Variants in HIF3A observed in about 807,000 individuals in gnomAD.
HIF3A encodes hypoxia inducible factor 3 subunit alpha.
HIF3A carries 41 observed loss-of-function variants against 67.2 expected under a neutral mutation model. That is an observed-to-expected ratio of 0.61 (90% CI 0.48 to 0.79). The LOEUF (loss-of-function observed/expected upper bound fraction) is 0.79. HIF3A is among the 30% of genes least tolerant of loss of function. The pLI, the probability that HIF3A is intolerant of heterozygous loss-of-function variation, is 0.00. For synonymous variants in HIF3A, 356 were observed against 374.8 expected, an observed-to-expected ratio of 0.95 and a Z score of 0.58; for missense variants, 855 against 898.0, an observed-to-expected ratio of 0.95 and a Z score of 0.61.
chr19:46,309,236 T>G lies in HIF3A; in HGVS notation c.647T>G (p.Leu216Arg). 1.1e-5 allele frequency: 18 copies of G among 1,614,066 alleles called. No homozygotes were observed. Among genetic ancestry groups the G allele is most frequent in the Non-Finnish European group, 1.5e-5 (18 of 1,179,946 alleles). ...PAGSPDSEPP[L>R]QCLVLICEAI... ...GGGAGCCCTGACTCAGAGCCCCCGCTGCAGTGCCTGGTGCTCATCTGCGAA... is the reference window on the plus strand; with the variant it reads ...GGGAGCCCTGACTCAGAGCCCCCGCGGCAGTGCCTGGTGCTCATCTGCGAA... The change falls in exon 6 of 15, where the codon CTG becomes CGG. Residue 216 changes from leucine to arginine, a missense_variant. This residue lies in a region of HIF3A where 638 missense variants were observed against 660.5 expected (regional missense o/e 0.97). Coordinates refer to ENST00000377670, the MANE Select transcript of HIF3A (RefSeq NM_152795.4).
Position 46,321,737 on chromosome 19 carries a change from C to T in HIF3A, c.1145-39C>T, listed in dbSNP as rs1030433412. On this transcript the variant is annotated intron_variant, in intron 9 of 14. Coordinates refer to ENST00000377670, the MANE Select transcript of HIF3A (RefSeq NM_152795.4). Reference sequence around the variant, plus strand: ...AGGGCTCTGGCCCTTGGCCCTCAGTCACCAGCCCGTGTCCTCCCCATCTCC... The same window carrying T: ...AGGGCTCTGGCCCTTGGCCCTCAGTTACCAGCCCGTGTCCTCCCCATCTCC... 9.5e-6 allele frequency: 15 copies of T among 1,585,658 alleles called. No individual in the cohort carries two copies. In the African/African-American group the frequency reaches 1.5e-4, roughly 16 times the overall value.
chr19:46,339,034 TCTC>T (rs1176850988), intron 14 of HIF3A, among the ~76,000 whole-genome samples: 1 of 151,990 alleles, frequency 6.6e-6, no homozygotes, highest in Non-Finnish European at 1.5e-5. Flanking sequence ...TTTCCCTTCT[TCTC>T]CTCTTTTCCT....
rs1198019827 is a variant in HIF3A at position 46,329,480 on chromosome 19, TGA to T, written c.1712+4_1712+5del. 6.6e-7 allele frequency: 1 copy of T among 1,508,406 alleles called. No homozygotes were observed. Among genetic ancestry groups the T allele is most frequent in the Admixed American group, 2.2e-5 (1 of 44,634 alleles). 93.4% of individuals were successfully genotyped at this position (1,508,406 alleles called of 1,614,324 possible). The stretch of plus-strand genomic sequence containing the variant: ...TCCCATGGCTGGGGCTCGGAAGAGG[TGA>T]GCCACAGTAAAGGGGGGACATCAAG... On this transcript the variant is annotated splice_donor_region_variant and intron_variant, in intron 12 of 14. Transcript: ENST00000377670.
At chr19:46,312,736 T>TGTGC (rs112043937) in intron 8 of HIF3A, 83 bp downstream of exon 8, 15 of 1,501,066 alleles carry the variant, frequency 1.0e-5, no homozygotes, top group East Asian at 4.6e-5. Context: ...TGTGTGTGTG[T>TGTGC]GCGTATGAGC....
chr19:46,329,179 C>G, intron 11 of HIF3A, 28 bp from the exon 12 acceptor site: 1 of 1,564,446 alleles, frequency 6.4e-7, no homozygotes, highest in Non-Finnish European at 8.7e-7. Flanking sequence ...CAAGGCTCAT[C>G]CTCTTACCTC....
rs779983789 is a variant in HIF3A at position 46,321,973 on chromosome 19, C to T, written c.1335+7C>T. On this transcript the variant is annotated splice_region_variant and intron_variant, in intron 10 of 14. Coordinates refer to ENST00000377670, the MANE Select transcript of HIF3A (RefSeq NM_152795.4). ...CCCCCAAAGTCCTCTTTCGGTAAGC[C>T]ATCCCACCCATGTGAGCCCTCAGCA... is the stretch of plus-strand genomic sequence containing the variant. 1.2e-6 allele frequency: 2 copies of T among 1,613,058 alleles called. No homozygotes were observed. The highest frequency in any genetic ancestry group is 1.7e-6 in the Non-Finnish European group (2 of 1,179,512).
At chr19:46,306,622 A>G (rs1004482562) in intron 3 of HIF3A, 2 of 152,234 alleles carry the variant, frequency 1.3e-5, no homozygotes, top group African/African-American at 4.8e-5. Context: ...CAAGGCCTAC[A>G]AGAAAGTTCC....
intron 13 of HIF3A, among the ~76,000 whole-genome samples, chr19:46,333,518 C>A (rs973256098): frequency 1.3e-5 from 2 of 152,046 alleles, no homozygotes; most frequent in African/African-American, 4.8e-5. Context: ...CATGAGCTAA[C>A]CAACAGGATC....
intron 8 of HIF3A, among the ~76,000 whole-genome samples, chr19:46,314,767 C>T (rs1969782035): frequency 6.8e-6 from 1 of 146,544 alleles, no homozygotes; most frequent in African/African-American, 2.5e-5. Flanking sequence ...CCATGTTGGC[C>T]AGGCTGGTCT....
Position 46,304,031 on chromosome 19 carries a change from G to A in HIF3A, c.160G>A (p.Ala54Thr), listed in dbSNP as rs1304622000. The A allele has an allele frequency of 6.3e-7, 1 of 1,591,576 alleles. No homozygotes were observed. The highest frequency in any genetic ancestry group is 2.3e-5 in the East Asian group (1 of 43,802). Residue 54 changes from alanine (A) to threonine (T), a missense_variant, in exon 2 of 15, where the codon GCC becomes ACC. Physicochemically the swap from Ala to Thr is moderately conservative, Grantham distance 58. Coordinates refer to ENST00000377670, the MANE Select transcript of HIF3A (RefSeq NM_152795.4). ...ARGVSAHLDK[A>T]SIMRLTISYL... ...CGGCGTCAGCGCCCACCTGGACAAGGCCTCTATCATGCGCCTCACCATCAG... is the reference window on the plus strand; with the variant it reads ...CGGCGTCAGCGCCCACCTGGACAAGACCTCTATCATGCGCCTCACCATCAG...
intron 3 of HIF3A, among the ~76,000 whole-genome samples, chr19:46,307,211 ATTG>A (rs1188781307): frequency 1.3e-5 from 2 of 151,996 alleles, no homozygotes; most frequent in African/African-American, 2.4e-5. Context: ...TACTTGTTAT[ATTG>A]TTGTTATTTG....
rs148490641 is a variant in HIF3A, at chr19:46,302,994, T to A, written c.27-904T>A. Reference sequence around the variant, plus strand: ...AATTCTGGACATAAATCCAGGCCCATAGAGATAGAGAAAATTTGAGAATTT... The same window carrying A: ...AATTCTGGACATAAATCCAGGCCCAAAGAGATAGAGAAAATTTGAGAATTT... On this transcript the variant is annotated intron_variant, in intron 1 of 14. Transcript: ENST00000377670. 2.0e-5 allele frequency among the ~76,000 whole-genome samples: 3 copies of A among 152,100 alleles called. No individual in the cohort carries two copies. In the East Asian group the frequency reaches 5.8e-4, roughly 29 times the overall value.
rs749734403 is a variant in HIF3A at position 46,320,552 on chromosome 19, G to C, written c.1135G>C (p.Asp379His). ...TCAGAAGGACACCCCTAACCCTGGG[G>C]ACAGCCTTGGTATGGGGCAGGGCTG... ...PSQKDTPNPG[D>H]SLDTPGPRIL... Residue 379 changes from aspartate (D) to histidine (H), a missense_variant, in exon 9 of 15, where the codon GAC (aspartate) becomes CAC (histidine). Physicochemically the swap from Asp to His is moderately conservative, Grantham distance 81. Around this residue, in one of 3 missense-constraint regions of HIF3A, gnomAD observed 638 missense variants for 660.5 expected, o/e 0.97. Transcript: ENST00000377670. 1.5e-5 allele frequency: 25 copies of C among 1,613,356 alleles called. No homozygotes were observed. The highest frequency in any genetic ancestry group is 2.0e-5 in the Non-Finnish European group (24 of 1,179,484).
intron 5 of HIF3A, 84 bp downstream of exon 5, chr19:46,308,859 G>T: frequency 1.0e-6 from 1 of 968,392 alleles, no homozygotes; most frequent in South Asian, 1.6e-5. Context: ...CTGGAGTCCA[G>T]GCATCTCCTA....
rs1391703438 is a variant in HIF3A at position 46,297,882 on chromosome 19, G to T, written c.26+780G>T. On this transcript the variant is annotated intron_variant, in intron 1 of 14. Coordinates refer to ENST00000377670, the MANE Select transcript of HIF3A (RefSeq NM_152795.4). The surrounding 1 kb of genome is among the most constrained non-coding windows in gnomAD (Gnocchi z 4.5). ...CCTCATCCAAGCTTTATTTTGGGGAGACTCCATGGCAGGGTGCTGTGAGCC... is the reference window on the plus strand; with the variant it reads ...CCTCATCCAAGCTTTATTTTGGGGATACTCCATGGCAGGGTGCTGTGAGCC... Among the ~76,000 whole-genome samples the T allele has an allele frequency of 6.6e-6, 1 of 152,038 alleles. No individual in the cohort carries two copies. Among genetic ancestry groups the T allele is most frequent in the Non-Finnish European group, 1.5e-5 (1 of 67,986 alleles).
At chr19:46,335,670 A>G (rs768807902) in intron 14 of HIF3A, among the ~76,000 whole-genome samples, 6 of 152,048 alleles carry the variant, frequency 3.9e-5, no homozygotes, top group Non-Finnish European at 7.4e-5. Context: ...TGGGAGTTCA[A>G]GGCTGCAGTG....
Position 46,330,227 on chromosome 19 carries a change from G to T in HIF3A, c.1712+749G>T, listed in dbSNP as rs552124110. On this transcript the variant is annotated intron_variant, in intron 12 of 14. Transcript: ENST00000377670. ...TGGGCCTGATAAATACTTATTAAAT[G>T]AGGGAGGGAGGGAATTATTAATGAA... is the stretch of plus-strand genomic sequence containing the variant. Among the ~76,000 whole-genome samples, 141 of 152,330 alleles carry T rather than the reference G, an allele frequency of 9.3e-4. 1 individual carries two copies. Among genetic ancestry groups the T allele is most frequent in the South Asian group, 8.5e-3 (41 of 4,832 alleles).
intron 13 of HIF3A, among the ~76,000 whole-genome samples, chr19:46,332,211 C>T (rs1426989683): frequency 6.6e-6 from 1 of 152,128 alleles, no homozygotes; most frequent in African/African-American, 2.4e-5. Flanking sequence ...AGCTGACACT[C>T]AGTGGGCTGA....
At chr19:46,313,957 C>T (rs1056512675) in intron 8 of HIF3A, among the ~76,000 whole-genome samples, 18 of 152,122 alleles carry the variant, frequency 1.2e-4, no homozygotes, top group South Asian at 2.1e-4. Flanking sequence ...CCACTGCACC[C>T]GGCCCATGTT....
Sources: allele counts gnomAD v4.1 joint callset (sites outside exome capture counted in the v4.1 genomes callset), GRCh38; gene constraint gnomAD v4.1.1; regional missense constraint gnomAD v4.1.1; non-coding constraint Gnocchi (gnomAD v3.1); transcripts MANE v1.5; gene names NCBI Gene and HGNC (gene_info 2026-07-23, HGNC 2026-07-21).